The following TMED5 variants were observed in gnomAD, a reference collection of about 807,000 sequenced individuals.
The protein encoded by TMED5 is transmembrane p24 trafficking protein 5.
A neutral mutation model predicts 23.0 loss-of-function variants in TMED5; 27 were observed. The observed-to-expected ratio is 1.17, with a 90% confidence interval of 0.86 to 1.62. TMED5 has a LOEUF of 1.62. Among genes scored for constraint, TMED5 ranks in the 40% most tolerant of loss-of-function variants. The probability of loss-of-function intolerance (pLI) is 0.00; values close to 1 mark genes in which losing one functional copy is unlikely to be tolerated. For missense variants in TMED5, 248 were observed against 273.7 expected (o/e 0.91, Z 0.66); for synonymous variants, 97 against 100.8 (o/e 0.96, Z 0.23).
intron 1 of TMED5, among the ~76,000 whole-genome samples, chr1:93,163,922 C>G (rs1428646920): frequency 6.8e-6 from 1 of 147,468 alleles, no homozygotes. Flanking sequence ...GGCAGAGTTG[C>G]AGTGAGCTGG....
rs1331180891 is a variant in TMED5 at position 93,151,190 on chromosome 1, A to G, written c.*3480T>C. On this transcript the variant is annotated 3_prime_UTR_variant, in exon 4 of 4. Coordinates refer to ENST00000370282, the MANE Select transcript of TMED5 (RefSeq NM_016040.5). ...AGGTGTATGGCTCCAGGTTATGACA[A>G]CAGCCTTCCAGAAGCCTTAGACACC... 11 of 152,172 alleles carry G rather than the reference A, an allele frequency of 7.2e-5. 1 individual carries two copies. The highest frequency in any genetic ancestry group is 3.3e-4 in the Admixed American group (5 of 15,266). 9.4% of individuals were successfully genotyped at this position (152,172 alleles called of 1,614,324 possible). A position where few individuals can be genotyped will look rare whatever the true frequency, so the allele number is the denominator to read the frequency against.
chr1:93,154,399 T>A lies in TMED5; in HGVS notation c.*271A>T. 2.5e-6 allele frequency: 1 copy of A among 400,596 alleles called. No homozygotes were observed. The highest frequency in any genetic ancestry group is 4.4e-6 in the Non-Finnish European group (1 of 224,954). 24.8% of individuals were successfully genotyped at this position (400,596 alleles called of 1,614,324 possible). ...AATCACCTAAGACATTTGCAAAATTTTTCAAAGTTAGGAAAATGCAGTTAT... is the reference window on the plus strand; with the variant it reads ...AATCACCTAAGACATTTGCAAAATTATTCAAAGTTAGGAAAATGCAGTTAT... On this transcript the variant is annotated 3_prime_UTR_variant, in exon 4 of 4. Transcript: ENST00000370282.
intron 1 of TMED5, among the ~76,000 whole-genome samples, chr1:93,171,965 A>C (rs1287353693): frequency 6.6e-6 from 1 of 152,226 alleles, no homozygotes; most frequent in African/African-American, 2.4e-5. Flanking sequence ...TCAGATGATC[A>C]CAGCAATGGG....
intron 2 of TMED5, among the ~76,000 whole-genome samples, chr1:93,157,470 C>T (rs972354534): frequency 2.0e-5 from 3 of 152,236 alleles, no homozygotes; most frequent in Admixed American, 6.5e-5. Flanking sequence ...TGGCTCATAC[C>T]TACAATCACA....
In TMED5 at chr1:93,180,378, G is replaced by GCGA. The variant is rs1649314019; in HGVS notation, c.-139_-137dup. 1 of 1,253,476 alleles carries GCGA rather than the reference G, an allele frequency of 8.0e-7. No homozygotes were observed. The highest frequency in any genetic ancestry group is 1.1e-6 in the Non-Finnish European group (1 of 912,914). The allele number at this position is 1,253,476 out of a possible 1,614,324, so 77.6% of individuals were successfully genotyped here. A position where few individuals can be genotyped will look rare whatever the true frequency, so the allele number is the denominator to read the frequency against. ...ACTCCAGGTGGCGGCCGCGGCGGCG[G>GCGA]CGAACACTCCCTCCGAAAGAGAAGC... On this transcript the variant is annotated 5_prime_UTR_variant, in exon 1 of 4. Coordinates refer to ENST00000370282, the MANE Select transcript of TMED5 (RefSeq NM_016040.5).
intron 1 of TMED5, among the ~76,000 whole-genome samples, chr1:93,170,533 G>A (rs148344202): frequency 0.012 from 1,852 of 152,318 alleles, 15 homozygotes; most frequent in Non-Finnish European, 0.02. Flanking sequence ...GCTCCTGCGC[G>A]GCCCAAGCCT....
Position 93,158,581 on chromosome 1 carries a change from T to G in TMED5, c.287+1548A>C, listed in dbSNP as rs551367025. Among the ~76,000 whole-genome samples the G allele has an allele frequency of 1.5e-3, 223 of 149,732 alleles. 1 individual carries two copies. The South Asian group carries it at 0.016, about 11-fold the overall frequency. On this transcript the variant is annotated intron_variant, in intron 2 of 3. Coordinates refer to ENST00000370282, the MANE Select transcript of TMED5 (RefSeq NM_016040.5). ...AAAAGATGAACTACATTTTTAGTTTTGTTTTTTTTTTTGAGATGGAGTCTC... is the reference window on the plus strand; with the variant it reads ...AAAAGATGAACTACATTTTTAGTTTGGTTTTTTTTTTTGAGATGGAGTCTC...
At chr1:93,177,170 CAG>C (rs983233557) in intron 1 of TMED5, among the ~76,000 whole-genome samples, 1 of 152,096 alleles carries the variant, frequency 6.6e-6, no homozygotes, top group Non-Finnish European at 1.5e-5. Flanking sequence ...GAAATACAAA[CAG>C]GGTGGAAGAT....
intron 1 of TMED5, among the ~76,000 whole-genome samples, chr1:93,171,171 G>C (rs1048206806): frequency 6.6e-6 from 1 of 151,352 alleles, no homozygotes; most frequent in African/African-American, 2.4e-5. Flanking sequence ...AACCCACCAG[G>C]AGGAACGAAC....
intron 1 of TMED5, among the ~76,000 whole-genome samples, chr1:93,165,559 A>C (rs1376563097): frequency 2.0e-5 from 3 of 152,162 alleles, no homozygotes; most frequent in African/African-American, 7.2e-5. Flanking sequence ...AATTTTTTTA[A>C]AATTTTAATT....
Position 93,180,403 on chromosome 1 carries a change from C to T in TMED5, c.-161G>A, listed in dbSNP as rs959225044. ...GCGAACACTCCCTCCGAAAGAGAAG[C>T]GCAGTTCTCCAAAGGGTAGGGACTC... On this transcript the variant is annotated 5_prime_UTR_variant, in exon 1 of 4. Transcript: ENST00000370282. 2.5e-6 allele frequency: 3 copies of T among 1,220,778 alleles called. No homozygotes were observed. Among genetic ancestry groups the T allele is most frequent in the African/African-American group, 3.2e-5 (2 of 63,442 alleles). The allele number at this position is 1,220,778 out of a possible 1,614,324, so 75.6% of individuals were successfully genotyped here. A position where few individuals can be genotyped will look rare whatever the true frequency, so the allele number is the denominator to read the frequency against.
At chr1:93,168,905 T>C (rs554163898) in intron 1 of TMED5, among the ~76,000 whole-genome samples, 1 of 152,282 alleles carries the variant, frequency 6.6e-6, no homozygotes, top group African/African-American at 2.4e-5. Context: ...GACATACCAA[T>C]GCTTATGTGT....
At chr1:93,173,965 GT>G (rs894595684) in intron 1 of TMED5, among the ~76,000 whole-genome samples, 3 of 146,230 alleles carry the variant, frequency 2.1e-5, no homozygotes, top group Non-Finnish European at 1.5e-5. Flanking sequence ...GTTTTTTTTT[GT>G]TTTTTTTTTG....
chr1:93,156,488 A>G lies in TMED5; in HGVS notation c.288-5T>C. 1 of 1,607,332 alleles carries G rather than the reference A, an allele frequency of 6.2e-7. No homozygotes were observed. The highest frequency in any genetic ancestry group is 1.3e-5 in the African/African-American group (1 of 74,788). On this transcript the variant is annotated splice_region_variant and splice_polypyrimidine_tract_variant and intron_variant, in intron 2 of 3. Coordinates refer to ENST00000370282, the MANE Select transcript of TMED5 (RefSeq NM_016040.5). The stretch of plus-strand genomic sequence containing the variant: ...TCACCAACTTCAGTCTCTACACTGT[A>G]TAAAAAAAAGTACATGTTTTAAGTT...
rs1647911460 is a variant in TMED5, at chr1:93,152,414, A to G, written c.*2256T>C. 6.6e-6 allele frequency: 1 copy of G among 152,280 alleles called. No individual in the cohort carries two copies. Among genetic ancestry groups the G allele is most frequent in the Non-Finnish European group, 1.5e-5 (1 of 68,024 alleles). 9.4% of individuals were successfully genotyped at this position (152,280 alleles called of 1,614,324 possible). ...TGAAGCAGATAAACAGTATGTCTTT[A>G]GAAATATTAAAGATTTTTACTCTGT... On this transcript the variant is annotated 3_prime_UTR_variant, in exon 4 of 4. Transcript: ENST00000370282.
At chr1:93,163,174 A>G (rs1158763299) in intron 1 of TMED5, 1 of 152,054 alleles carries the variant, frequency 6.6e-6, no homozygotes, top group African/African-American at 2.4e-5. Flanking sequence ...ACCCTCCAAA[A>G]ACAAAAAATA....
chr1:93,170,178 G>C (rs1269410310), intron 1 of TMED5, among the ~76,000 whole-genome samples: 4 of 152,244 alleles, frequency 2.6e-5, no homozygotes, highest in African/African-American at 9.6e-5. Context: ...CGCCTGAGGA[G>C]CCCTTCAGCC....
intron 1 of TMED5, among the ~76,000 whole-genome samples, chr1:93,174,115 G>A (rs1023666155): frequency 4.6e-5 from 7 of 151,934 alleles, no homozygotes; most frequent in East Asian, 1.9e-4. Flanking sequence ...GCACCACTGC[G>A]CCCAGCTAAT....
At chr1:93,155,537 T>G (rs1266120829) in intron 3 of TMED5, among the ~76,000 whole-genome samples, 1 of 128,248 alleles carries the variant, frequency 7.8e-6, no homozygotes, top group Admixed American at 7.0e-5. Flanking sequence ...CTAAGGTTTT[T>G]TTTTTTTTTT....
Sources: gnomAD v4.1 joint callset for allele counts (sites outside exome capture counted in the v4.1 genomes callset) on GRCh38, gnomAD v4.1.1 for gene constraint, MANE v1.5 for transcripts, NCBI Gene and HGNC (gene_info 2026-07-23, HGNC 2026-07-21) for gene names.